Variants in PTP4A1 observed in about 807,000 individuals in gnomAD.
The protein encoded by PTP4A1 is protein tyrosine phosphatase 4A1.
Under a neutral mutation model 20.5 loss-of-function variants are expected in PTP4A1, and 9 were observed. That is an observed-to-expected ratio of 0.44 (90% CI 0.26 to 0.77). PTP4A1 has a LOEUF of 0.77. PTP4A1 is among the 30% of genes least tolerant of loss of function. The probability of loss-of-function intolerance (pLI) is 0.19; values close to 1 mark genes in which losing one functional copy is unlikely to be tolerated. For missense variants in PTP4A1, 137 were observed against 218.8 expected (o/e 0.63, Z 2.36); for synonymous variants, 78 against 67.4 (o/e 1.16, Z -0.77).
In PTP4A1 at chr6:63,572,668, C is replaced by T. The variant is rs1777529266; in HGVS notation, c.-497C>T. 4.9e-6 allele frequency: 2 copies of T among 410,046 alleles called. No homozygotes were observed. Among genetic ancestry groups the T allele is most frequent in the Non-Finnish European group, 4.3e-6 (1 of 234,782 alleles). The allele number at this position is 410,046 out of a possible 1,614,324, so 25.4% of individuals were successfully genotyped here. A position where few individuals can be genotyped will look rare whatever the true frequency, so the allele number is the denominator to read the frequency against. ...GCCACCGCCTGTGTCGCCGCCGCCTCGGGACCGGCTGTATGATTAGGCCAC... is the reference window on the plus strand; with the variant it reads ...GCCACCGCCTGTGTCGCCGCCGCCTTGGGACCGGCTGTATGATTAGGCCAC... On this transcript the variant is annotated 5_prime_UTR_variant, in exon 1 of 6. Transcript: ENST00000626021.
intron 3 of PTP4A1, among the ~76,000 whole-genome samples, chr6:63,551,636 A>C (rs1239945487): frequency 6.6e-6 from 1 of 152,092 alleles, no homozygotes; most frequent in Non-Finnish European, 1.5e-5. Flanking sequence ...TGCTGCACCC[A>C]TTAACTTGTC....
At chr6:63,570,901 G>T (rs563398428), upstream of PTP4A1, 6 of 152,170 alleles carry the variant, frequency 3.9e-5, no homozygotes, top group South Asian at 1.2e-3. Context: ...TATGAAATCT[G>T]TCCCTTTTTT....
chr6:63,520,762 T>G (rs1213993990), upstream of PTP4A1, among the ~76,000 whole-genome samples: 3 of 152,164 alleles, frequency 2.0e-5, no homozygotes, highest in Non-Finnish European at 4.4e-5. Flanking sequence ...CTTGTCAATA[T>G]GATTAGTGTC....
intron 1 of PTP4A1, among the ~76,000 whole-genome samples, chr6:63,523,479 C>A (rs1210059029): frequency 6.6e-6 from 1 of 151,978 alleles, no homozygotes; most frequent in Non-Finnish European, 1.5e-5. Context: ...CCACTGCACT[C>A]TAGCCTGGGC....
intron 2 of PTP4A1, chr6:63,549,636 T>C: frequency 2.1e-6 from 1 of 474,842 alleles, no homozygotes; most frequent in Non-Finnish European, 3.7e-6. Flanking sequence ...CATACAAAAA[T>C]GGAATCCTGT....
At chr6:63,519,123 C>A (rs1774831562), upstream of PTP4A1, among the ~76,000 whole-genome samples, 1 of 152,168 alleles carries the variant, frequency 6.6e-6, no homozygotes, top group African/African-American at 2.4e-5. Context: ...GCCTGGCCAA[C>A]ATGGTGAAAC....
At chr6:63,574,568 T>G (rs888863740) in intron 1 of PTP4A1, among the ~76,000 whole-genome samples, 30 of 152,186 alleles carry the variant, frequency 2.0e-4, no homozygotes, top group African/African-American at 6.8e-4. Flanking sequence ...TGCTTCCTGA[T>G]GAAAGTGCTT....
At chr6:63,538,779 T>C (rs969374446) in intron 2 of PTP4A1, among the ~76,000 whole-genome samples, 7 of 152,254 alleles carry the variant, frequency 4.6e-5, no homozygotes, top group Non-Finnish European at 8.8e-5. Flanking sequence ...TCCAGAGTTC[T>C]GATTCCAGAG....
intron 5 of PTP4A1, 89 bp from the exon 6 acceptor site, chr6:63,579,968 A>AAAACCAT (rs1778118047): frequency 6.5e-6 from 6 of 923,652 alleles, no homozygotes; most frequent in Non-Finnish European, 1.0e-5. Flanking sequence ...ATAAATTGCC[A>AAAACCAT]CAAGAGAGGT....
At chr6:63,558,610 A>G (rs1353811649) in intron 3 of PTP4A1, among the ~76,000 whole-genome samples, 1 of 152,218 alleles carries the variant, frequency 6.6e-6, no homozygotes, top group Non-Finnish European at 1.5e-5. Context: ...AGTTCATCCC[A>G]TGGAAATATA....
upstream of PTP4A1, chr6:63,571,458 T>C (rs1041023055): frequency 2.6e-5 from 4 of 152,204 alleles, no homozygotes; most frequent in East Asian, 5.8e-4. Context: ...GAGGTGCCCT[T>C]GTATGGCACA....
At chr6:63,572,479 C>G (rs1777501757), upstream of PTP4A1, 2 of 388,308 alleles carry the variant, frequency 5.2e-6, no homozygotes, top group African/African-American at 4.2e-5. Context: ...GACGCAAGGG[C>G]GCCTCGGCGC....
At chr6:63,557,626 G>A (rs1581934376) in intron 3 of PTP4A1, among the ~76,000 whole-genome samples, 1 of 152,044 alleles carries the variant, frequency 6.6e-6, no homozygotes, top group South Asian at 2.1e-4. Flanking sequence ...GAAAATTCCA[G>A]GTAAAAGGAA....
At chr6:63,522,914 G>C (rs1774997047) in intron 1 of PTP4A1, among the ~76,000 whole-genome samples, 1 of 149,918 alleles carries the variant, frequency 6.7e-6, no homozygotes, top group Admixed American at 6.7e-5. Context: ...AACCAGGCTG[G>C]AGTGCAGCAG....
intron 2 of PTP4A1, among the ~76,000 whole-genome samples, chr6:63,533,362 A>G (rs1775559691): frequency 6.6e-6 from 1 of 152,224 alleles, no homozygotes; most frequent in Admixed American, 6.5e-5. Context: ...AGCCTGGGCC[A>G]CAGAGCAAGA....
chr6:63,579,568 T>C (rs996469936), intron 5 of PTP4A1, among the ~76,000 whole-genome samples: 17 of 152,248 alleles, frequency 1.1e-4, no homozygotes, highest in Non-Finnish European at 5.9e-5. Flanking sequence ...CTTGATTGAA[T>C]ATGTTGGTTA....
intron 2 of PTP4A1, among the ~76,000 whole-genome samples, chr6:63,543,073 C>T (rs974479282): frequency 2.0e-5 from 3 of 152,232 alleles, no homozygotes; most frequent in Non-Finnish European, 2.9e-5. Context: ...ATATCCCCCA[C>T]TGCACCTTCT....
chr6:63,572,960 C>G (rs1777561099), intron 1 of PTP4A1, among the ~76,000 whole-genome samples: 1 of 152,086 alleles, frequency 6.6e-6, no homozygotes, highest in African/African-American at 2.4e-5. Flanking sequence ...GCCGGAGGCA[C>G]CGGCTTTTGA....
chr6:63,542,382 C>A (rs1039212429), intron 2 of PTP4A1, among the ~76,000 whole-genome samples: 2 of 151,838 alleles, frequency 1.3e-5, no homozygotes, highest in African/African-American at 2.4e-5. Context: ...AAGGAAATTA[C>A]TCATGTAACC....
Sources: allele counts gnomAD v4.1 joint callset (sites outside exome capture counted in the v4.1 genomes callset), GRCh38; gene constraint gnomAD v4.1.1; transcripts MANE v1.5; gene names NCBI Gene and HGNC (gene_info 2026-07-23, HGNC 2026-07-21).